Variants in SPAG16 observed in about 807,000 individuals in gnomAD.
SPAG16 encodes the protein sperm-associated antigen 16 protein.
In SPAG16, 86 loss-of-function variants were observed where a neutral mutation model predicts 80.4. The observed-to-expected ratio is 1.07, with a 90% CI of 0.90 to 1.28. SPAG16 has a LOEUF of 1.28. Among genes scored for constraint, SPAG16 ranks in the 50% most tolerant of loss-of-function variants. SPAG16 has a pLI of 0.00. For missense variants in SPAG16, 870 were observed against 765.3 expected, an observed-to-expected ratio of 1.14 and a Z score of -1.61; for synonymous variants, 294 against 265.9, an observed-to-expected ratio of 1.11 and a Z score of -1.03.
intron 12 of SPAG16, among the ~76,000 whole-genome samples, chr2:213,967,523 T>G (rs1159836858): frequency 3.9e-5 from 6 of 152,164 alleles, no homozygotes; most frequent in Non-Finnish European, 7.4e-5. Flanking sequence ...AAAAAAGGAA[T>G]AGACTCTCTT....
At chr2:214,207,649 T>C (rs545353438) in intron 15 of SPAG16, among the ~76,000 whole-genome samples, 6 of 152,336 alleles carry the variant, frequency 3.9e-5, no homozygotes, top group African/African-American at 1.4e-4. Flanking sequence ...GATGCCTAGA[T>C]AGCTGGTAAA....
intron 10 of SPAG16, among the ~76,000 whole-genome samples, chr2:213,716,476 C>G (rs149234528): frequency 6.6e-6 from 1 of 152,296 alleles, no homozygotes; most frequent in East Asian, 1.9e-4. Flanking sequence ...AAGAAAGTAA[C>G]AACTATGTTT....
At chr2:213,897,149 TTA>T (rs1407353727) in intron 11 of SPAG16, among the ~76,000 whole-genome samples, 1 of 149,084 alleles carries the variant, frequency 6.7e-6, no homozygotes, top group Non-Finnish European at 1.5e-5. Context: ...TCTTTACCAA[TTA>T]TATGAGTGTA....
intron 15 of SPAG16, among the ~76,000 whole-genome samples, chr2:214,180,219 TTA>T (rs2057267750): frequency 6.6e-6 from 1 of 151,646 alleles, no homozygotes; most frequent in Non-Finnish European, 1.5e-5. Context: ...ATGCTTGAGT[TTA>T]TATGTTTTAT....
intron 3 of SPAG16, among the ~76,000 whole-genome samples, chr2:213,298,640 A>G (rs548211435): frequency 6.6e-6 from 1 of 152,356 alleles, no homozygotes; most frequent in South Asian, 2.1e-4. Flanking sequence ...CATGGTCGAA[A>G]GTGTTTGTAA....
At chr2:214,170,780 C>T (rs1035407917) in intron 15 of SPAG16, among the ~76,000 whole-genome samples, 8 of 152,104 alleles carry the variant, frequency 5.3e-5, no homozygotes, top group Middle Eastern at 3.4e-3. Context: ...TTGCTGTACC[C>T]TCTTTGGTCT....
chr2:214,266,160 A>G (rs1280514666), intron 15 of SPAG16, among the ~76,000 whole-genome samples: 1 of 151,906 alleles, frequency 6.6e-6, no homozygotes, highest in Non-Finnish European at 1.5e-5. Context: ...GTGTCTTTGT[A>G]AGTAACAAAG....
At chr2:213,682,708 C>T (rs1336524752) in intron 10 of SPAG16, among the ~76,000 whole-genome samples, 1 of 152,018 alleles carries the variant, frequency 6.6e-6, no homozygotes, top group Non-Finnish European at 1.5e-5. Context: ...TATCTCAGGG[C>T]TGGCATGTTT....
intron 13 of SPAG16, among the ~76,000 whole-genome samples, chr2:214,098,640 G>T (rs1279388377): frequency 6.6e-6 from 1 of 152,052 alleles, no homozygotes; most frequent in Non-Finnish European, 1.5e-5. Context: ...CACCCAGTCT[G>T]TGCCACTTTG....
chr2:213,376,900 G>A (rs894966125), intron 9 of SPAG16, among the ~76,000 whole-genome samples: 1 of 152,024 alleles, frequency 6.6e-6, no homozygotes, highest in East Asian at 1.9e-4. Flanking sequence ...GAAGTGCATA[G>A]GACTGTATTT....
At chr2:213,545,444 C>A (rs1217896956) in intron 10 of SPAG16, among the ~76,000 whole-genome samples, 1 of 152,034 alleles carries the variant, frequency 6.6e-6, no homozygotes, top group Non-Finnish European at 1.5e-5. Flanking sequence ...CAGTGTCTTT[C>A]ATAGAGCAGA....
intron 10 of SPAG16, among the ~76,000 whole-genome samples, chr2:213,645,570 G>A (rs1239209336): frequency 6.6e-6 from 1 of 152,146 alleles, no homozygotes; most frequent in Non-Finnish European, 1.5e-5. Flanking sequence ...GCCTGTAACA[G>A]GGACCTCAGG....
intron 10 of SPAG16, among the ~76,000 whole-genome samples, chr2:213,511,794 C>T (rs1439229218): frequency 2.6e-5 from 4 of 151,652 alleles, no homozygotes; most frequent in African/African-American, 7.3e-5. Flanking sequence ...CTGTTTTCAC[C>T]CTTGATAGAT....
intron 12 of SPAG16, among the ~76,000 whole-genome samples, chr2:214,007,713 G>T (rs968358552): frequency 2.0e-5 from 3 of 152,046 alleles, no homozygotes; most frequent in African/African-American, 7.2e-5. Flanking sequence ...TTGTATAATT[G>T]CTCTGCACAT....
chr2:213,966,040 G>C (rs1210976911), intron 12 of SPAG16, among the ~76,000 whole-genome samples: 3 of 152,218 alleles, frequency 2.0e-5, no homozygotes, highest in African/African-American at 7.2e-5. Flanking sequence ...AAGGAAGCCT[G>C]AGATCTGTTA....
chr2:214,227,326 A>G lies in SPAG16; in HGVS notation c.1720+78060A>G, dbSNP rs191306094. On this transcript the variant is annotated intron_variant, in intron 15 of 15. Coordinates refer to ENST00000331683, the MANE Select transcript of SPAG16 (RefSeq NM_024532.5). ...CTAAAGTCAAAACAGTATTAGAAAC[A>G]GTTTTAATATTTACTACAAATATAC... Among the ~76,000 whole-genome samples the G allele has an allele frequency of 1.5e-3, 231 of 152,184 alleles. 4 individuals are homozygous for G. Among genetic ancestry groups the G allele is most frequent in the African/African-American group, 4.9e-3 (202 of 41,574 alleles).
At chr2:213,977,332 T>C (rs1031078769) in intron 12 of SPAG16, among the ~76,000 whole-genome samples, 20 of 151,992 alleles carry the variant, frequency 1.3e-4, no homozygotes, top group Non-Finnish European at 8.8e-5. Flanking sequence ...ATGGATGAGA[T>C]TCCTGGAGTG....
intron 4 of SPAG16, among the ~76,000 whole-genome samples, chr2:213,316,162 C>G (rs2063390707): frequency 6.6e-6 from 1 of 152,006 alleles, no homozygotes; most frequent in South Asian, 2.1e-4. Flanking sequence ...GGAAACAATC[C>G]CTTGATTACT....
intron 9 of SPAG16, among the ~76,000 whole-genome samples, chr2:213,432,500 T>C (rs1478188131): frequency 2.6e-5 from 4 of 151,980 alleles, no homozygotes; most frequent in Non-Finnish European, 4.4e-5. Context: ...AGTAAATGGC[T>C]AAATTCCTGG....
Sources: allele counts gnomAD v4.1 joint callset (sites outside exome capture counted in the v4.1 genomes callset), GRCh38; gene constraint gnomAD v4.1.1; transcripts MANE v1.5; gene names NCBI Gene and HGNC (gene_info 2026-07-23, HGNC 2026-07-21).